MAPK8IP3: variants seen among roughly 807,000 people sequenced by gnomAD.
The protein encoded by MAPK8IP3 is C-Jun-amino-terminal kinase-interacting protein 3.
In MAPK8IP3, 49 loss-of-function variants were observed where a neutral mutation model predicts 157.8. The ratio of observed to expected loss-of-function variants is 0.31; its 90% confidence interval spans 0.25 to 0.39. The LOEUF (loss-of-function observed/expected upper bound fraction) is 0.39. Among genes scored for constraint, MAPK8IP3 ranks in the 10% least tolerant of loss-of-function variants. The pLI, the probability that MAPK8IP3 is intolerant of heterozygous loss-of-function variation, is 1.00. For missense variants in MAPK8IP3, 1,478 were observed against 1,889.4 expected (o/e 0.78, Z 4.04); for synonymous variants, 897 against 777.7 (o/e 1.15, Z -2.55).
Position 1,765,245 on chromosome 16 carries a change from C to T in MAPK8IP3, c.2446+67C>T, listed in dbSNP as rs76276029. The T allele has an allele frequency of 4.7e-3, 6,977 of 1,493,790 alleles. 329 individuals are homozygous for T. In the East Asian group the frequency reaches 0.1, roughly 22 times the overall value. The allele number at this position is 1,493,790 out of a possible 1,614,324, so 92.5% of individuals were successfully genotyped here. A position where few individuals can be genotyped will look rare whatever the true frequency, so the allele number is the denominator to read the frequency against. The stretch of plus-strand genomic sequence containing the variant: ...CTTTTACTAGCAAGCTAAGTAAAAG[C>T]CCTGCCACACAGCAGCTGCCTTCTC... On this transcript the variant is annotated intron_variant, in intron 20 of 31. Coordinates refer to ENST00000610761, the MANE Select transcript of MAPK8IP3 (RefSeq NM_001318852.2).
rs1171198599 is a variant in MAPK8IP3 at position 1,741,693 on chromosome 16, C to T, written c.603-1639C>T. Among the ~76,000 whole-genome samples the T allele has an allele frequency of 3.3e-5, 5 of 152,222 alleles. No individual in the cohort carries two copies. Among genetic ancestry groups the T allele is most frequent in the African/African-American group, 1.2e-4 (5 of 41,522 alleles). ...CAGCCTCCCACTGGGGTCATGCTCC[C>T]TGGGCCTGGTGGCTGGCTGCCTTCA... On this transcript the variant is annotated intron_variant, in intron 4 of 31. Transcript: ENST00000610761. The surrounding 1 kb of genome is among the most constrained non-coding windows in gnomAD (Gnocchi z 6.9).
chr16:1,748,895 G>A (rs1323141074), intron 8 of MAPK8IP3, 175 bp downstream of exon 8: 3 of 749,554 alleles, frequency 4.0e-6, no homozygotes, highest in Non-Finnish European at 7.3e-6. Flanking sequence ...CTCCACAGGG[G>A]ATTGGTTTCT....
At position 1,762,387 on chromosome 16, in the gene MAPK8IP3, CG is replaced by C; in HGVS notation, c.1579del (p.Val527TrpfsTer17). On this transcript the variant is annotated frameshift_variant, in exon 14 of 32. Transcript: ENST00000610761. LOFTEE classifies it high-confidence loss of function. ...IPMAQRRRFT[R>X]VEMARVLMER... ...CATGGCCCAGCGCCGCCGCTTCACG[CG>C]GGTGGAGATGGCCCGTGTGCTCATG... 6.3e-7 allele frequency: 1 copy of C among 1,592,522 alleles called. No homozygotes were observed. Among genetic ancestry groups the C allele is most frequent in the Non-Finnish European group, 8.5e-7 (1 of 1,169,722 alleles).
rs1251449450 is a variant in MAPK8IP3 at position 1,712,055 on chromosome 16, TTTTTTTTTTTTTTTTTTC to T, written c.318+5405_318+5422del. On this transcript the variant is annotated intron_variant, in intron 1 of 31. Transcript: ENST00000610761. ...GTTCTTTTGGCCTCAGGAGTTCTTT[TTTTTTTTTTTTTTTTTTC>T]TTTTTTGAGATGGAGTCTCGCTCTG... Among the ~76,000 whole-genome samples the T allele has an allele frequency of 1.5e-4, 16 of 105,194 alleles. 2 individuals are homozygous for T. The South Asian group carries it at 4.8e-3, about 31-fold the overall frequency. 69.0% of individuals were successfully genotyped at this position (105,194 alleles called of 152,430 possible).
intron 4 of MAPK8IP3, among the ~76,000 whole-genome samples, chr16:1,731,557 C>T (rs1039384461): frequency 1.3e-5 from 2 of 152,204 alleles, no homozygotes; most frequent in East Asian, 1.9e-4. Context: ...TCCAGGGGCT[C>T]CAAGCCCAGC....
In MAPK8IP3 at chr16:1,762,696, C is replaced by A; in HGVS notation, c.1692C>A (p.Ser564=). Residue 564 remains serine (S), a synonymous_variant, in exon 15 of 32, where the codon TCC becomes TCA. Coordinates refer to ENST00000610761, the MANE Select transcript of MAPK8IP3 (RefSeq NM_001318852.2). The part of the protein sequence containing the change: ...EMIRASREHP[S]VQEKKKSTIW... Reference sequence around the variant, plus strand: ...GCAGAGCGTCCCGAGAGCACCCATCCGTCCAGGAGAAGAAGAAGTCGACCA... The same window carrying A: ...GCAGAGCGTCCCGAGAGCACCCATCAGTCCAGGAGAAGAAGAAGTCGACCA... 1 of 1,564,378 alleles carries A rather than the reference C, an allele frequency of 6.4e-7. No individual in the cohort carries two copies. Among genetic ancestry groups the A allele is most frequent in the South Asian group, 1.2e-5 (1 of 83,924 alleles).
Position 1,724,417 on chromosome 16 carries a change from C to A in MAPK8IP3, c.319-140C>A. ...AGCCACGTGGCGGGAAGCCCCCATT[C>A]CGGCCTGGCCATGGGCCAGCTTGTG... On this transcript the variant is annotated intron_variant, in intron 1 of 31. Coordinates refer to ENST00000610761, the MANE Select transcript of MAPK8IP3 (RefSeq NM_001318852.2). The surrounding 1 kb of genome is among the most constrained non-coding windows in gnomAD (Gnocchi z 4.1). 1 of 1,177,180 alleles carries A rather than the reference C, an allele frequency of 8.5e-7. No homozygotes were observed. The highest frequency in any genetic ancestry group is 1.2e-6 in the Non-Finnish European group (1 of 844,530). The allele number at this position is 1,177,180 out of a possible 1,614,324, so 72.9% of individuals were successfully genotyped here.
At chr16:1,738,353 A>C (rs1596653089) in intron 4 of MAPK8IP3, among the ~76,000 whole-genome samples, 1 of 60,582 alleles carries the variant, frequency 1.7e-5, no homozygotes, top group Non-Finnish European at 3.0e-5. Flanking sequence ...CGTGTGTGTG[A>C]CCATCCGTGT....
chr16:1,736,289 CGT>C (rs1389595975), intron 4 of MAPK8IP3, among the ~76,000 whole-genome samples: 2 of 61,422 alleles, frequency 3.3e-5, no homozygotes, highest in East Asian at 4.7e-4. Context: ...TGTGAGCATC[CGT>C]GTGACCGTGA....
chr16:1,767,464 C>G, intron 26 of MAPK8IP3, 100 bp from the exon 27 acceptor site: 1 of 1,514,312 alleles, frequency 6.6e-7, no homozygotes, highest in Non-Finnish European at 9.0e-7. Context: ...GCTGGGAGGT[C>G]TGAGGGGACT....
chr16:1,723,774 T>A (rs1355226635), intron 1 of MAPK8IP3, among the ~76,000 whole-genome samples: 1 of 152,212 alleles, frequency 6.6e-6, no homozygotes, highest in Non-Finnish European at 1.5e-5. Flanking sequence ...ACTTATGGCA[T>A]CGATGCCCGG....
chr16:1,761,896 G>A (rs1208406027), intron 13 of MAPK8IP3, among the ~76,000 whole-genome samples: 4 of 152,202 alleles, frequency 2.6e-5, no homozygotes, highest in African/African-American at 9.7e-5. Flanking sequence ...GCCTCCCGGG[G>A]ACTCACCGGC....
intron 5 of MAPK8IP3, chr16:1,744,378 C>T: frequency 1.0e-6 from 1 of 986,058 alleles, no homozygotes; most frequent in African/African-American, 1.7e-5. Context: ...GACTGTCCTT[C>T]CACCTCTAAG....
intron 8 of MAPK8IP3, among the ~76,000 whole-genome samples, chr16:1,749,139 C>A (rs1315766338): frequency 6.6e-6 from 1 of 152,204 alleles, no homozygotes; most frequent in Non-Finnish European, 1.5e-5. Flanking sequence ...CTGGTTGAAT[C>A]CACACATGCA....
chr16:1,738,801 CCACCCA>C (rs1466772492), intron 4 of MAPK8IP3, among the ~76,000 whole-genome samples: 2 of 121,540 alleles, frequency 1.6e-5, no homozygotes, highest in Admixed American at 9.1e-5. Context: ...GTGAGTGTGA[CCACCCA>C]TGTGAGCATC....
chr16:1,744,884 T>C, intron 5 of MAPK8IP3: 1 of 960,236 alleles, frequency 1.0e-6, no homozygotes, highest in Non-Finnish European at 1.2e-6. Flanking sequence ...TTCTTTTTAT[T>C]TTATGCTCTA....
chr16:1,753,992 T>C (rs2041448705), intron 8 of MAPK8IP3, among the ~76,000 whole-genome samples: 4 of 151,472 alleles, frequency 2.6e-5, no homozygotes, highest in African/African-American at 9.7e-5. Flanking sequence ...GCCAAGATAG[T>C]GAACCCCATC....
At chr16:1,719,521 T>C (rs1002042088) in intron 1 of MAPK8IP3, among the ~76,000 whole-genome samples, 3 of 152,006 alleles carry the variant, frequency 2.0e-5, no homozygotes, top group Middle Eastern at 3.2e-3. Context: ...TTTAAAAACC[T>C]GTGGTGCTGG....
chr16:1,750,246 C>G (rs1448361992), intron 8 of MAPK8IP3, among the ~76,000 whole-genome samples: 1 of 152,124 alleles, frequency 6.6e-6, no homozygotes, highest in Non-Finnish European at 1.5e-5. Flanking sequence ...CAAAGTCCCG[C>G]TCTGTCGCCA....
Sources: gnomAD v4.1 joint callset for allele counts (sites outside exome capture counted in the v4.1 genomes callset) on GRCh38, gnomAD v4.1.1 for gene constraint, Gnocchi (gnomAD v3.1) non-coding constraint, MANE v1.5 for transcripts, NCBI Gene and HGNC (gene_info 2026-07-23, HGNC 2026-07-21) for gene names.